Variants in RPRD2 observed in about 807,000 individuals in gnomAD.
RPRD2 encodes the protein regulation of nuclear pre-mRNA domain containing 2, also known as regulation of nuclear pre-mRNA domain-containing protein 2.
A neutral mutation model predicts 104.4 loss-of-function variants in RPRD2; 12 were observed. That is an observed-to-expected ratio of 0.11 (90% CI 0.07 to 0.19). The LOEUF is 0.19. RPRD2 is among the 10% of genes least tolerant of loss of function. RPRD2 has a pLI of 1.00. For synonymous variants in RPRD2, 714 were observed against 684.9 expected (o/e 1.04, Z -0.66); for missense variants, 1,543 against 1,790.1 (o/e 0.86, Z 2.49).
chr1:150,416,429 A>G (rs1452076702), intron 1 of RPRD2, among the ~76,000 whole-genome samples: 1 of 152,182 alleles, frequency 6.6e-6, no homozygotes, highest in Non-Finnish European at 1.5e-5. Context: ...AGGTCACCGA[A>G]TGTGAGGTCA....
intron 1 of RPRD2, among the ~76,000 whole-genome samples, chr1:150,405,839 C>T (rs1291886649): frequency 6.6e-6 from 1 of 152,144 alleles, no homozygotes; most frequent in African/African-American, 2.4e-5. Context: ...ATGCTGTTGA[C>T]GCTTCCCACC....
chr1:150,404,259 T>G (rs927382127), intron 1 of RPRD2, among the ~76,000 whole-genome samples: 2 of 152,134 alleles, frequency 1.3e-5, no homozygotes, highest in African/African-American at 2.4e-5. Context: ...TTTGTTTTTG[T>G]TTTTTGAGAT....
intron 1 of RPRD2, among the ~76,000 whole-genome samples, chr1:150,380,869 A>G (rs1205692579): frequency 6.6e-6 from 1 of 151,532 alleles, no homozygotes; most frequent in Non-Finnish European, 1.5e-5. Context: ...GTTGGCCAGG[A>G]TGGTCTCTAT....
In RPRD2 at chr1:150,472,387, G is replaced by C. The variant is rs1489260652; in HGVS notation, c.3439G>C (p.Glu1147Gln). Residue 1147 changes from glutamate (E) to glutamine (Q), a missense_variant, in exon 11 of 11, where the codon GAG (glutamate) becomes CAG (glutamine). Glu to Gln is a conservative substitution (Grantham distance 29). Coordinates refer to ENST00000369068, the MANE Select transcript of RPRD2 (RefSeq NM_015203.5). ...TGACAATGGCCCTTCAAGTGCCTCT[G>C]AGTTGGCATCCCTTGGGGGTGGGGG... The part of the protein sequence containing the change: ...SFDNGPSSAS[E>Q]LASLGGGGSG... The C allele has an allele frequency of 3.7e-6, 6 of 1,613,884 alleles. No individual in the cohort carries two copies. Among genetic ancestry groups the C allele is most frequent in the Non-Finnish European group, 5.1e-6 (6 of 1,179,894 alleles).
At chr1:150,391,085 A>G (rs1662028457) in intron 1 of RPRD2, among the ~76,000 whole-genome samples, 1 of 152,204 alleles carries the variant, frequency 6.6e-6, no homozygotes, top group African/African-American at 2.4e-5. Flanking sequence ...TGAAATGCAA[A>G]TTGATAATTA....
chr1:150,429,921 G>A (rs1560194978), intron 2 of RPRD2, among the ~76,000 whole-genome samples: 1 of 152,164 alleles, frequency 6.6e-6, no homozygotes, highest in Non-Finnish European at 1.5e-5. Flanking sequence ...CCAGCATGCC[G>A]ATAACATTAA....
chr1:150,442,071 A>T, intron 4 of RPRD2, 113 bp downstream of exon 4: 1 of 676,150 alleles, frequency 1.5e-6, no homozygotes, highest in Non-Finnish European at 2.4e-6. Flanking sequence ...CCTGTTTTCC[A>T]GGTCTGGGAG....
At chr1:150,439,769 T>C (rs797034984) in intron 2 of RPRD2, among the ~76,000 whole-genome samples, 1 of 152,248 alleles carries the variant, frequency 6.6e-6, no homozygotes, top group African/African-American at 2.4e-5. Flanking sequence ...AGAATAAAAT[T>C]TCTTTTCTCT....
chr1:150,434,906 T>C (rs587719342), intron 2 of RPRD2, among the ~76,000 whole-genome samples: 3 of 152,296 alleles, frequency 2.0e-5, no homozygotes, highest in Non-Finnish European at 1.5e-5. Flanking sequence ...AATAACAGAA[T>C]AGAATTTTTT....
chr1:150,405,653 T>C (rs1230763467), intron 1 of RPRD2, among the ~76,000 whole-genome samples: 1 of 152,194 alleles, frequency 6.6e-6, no homozygotes, highest in Non-Finnish European at 1.5e-5. Context: ...TGGCCTCAAA[T>C]GTCTTTCTGA....
intron 2 of RPRD2, among the ~76,000 whole-genome samples, chr1:150,417,990 CAG>C (rs1174802280): frequency 6.7e-6 from 1 of 149,816 alleles, no homozygotes; most frequent in African/African-American, 2.5e-5. Flanking sequence ...TTCTTTGAGA[CAG>C]AGTCTCGCTC....
At chr1:150,404,011 A>G (rs927257433) in intron 1 of RPRD2, among the ~76,000 whole-genome samples, 2 of 152,132 alleles carry the variant, frequency 1.3e-5, no homozygotes, top group Non-Finnish European at 2.9e-5. Flanking sequence ...TAAATGTTCA[A>G]CTTTACGTTA....
intron 10 of RPRD2, among the ~76,000 whole-genome samples, chr1:150,465,410 G>A (rs905469930): frequency 2.0e-5 from 3 of 152,188 alleles, no homozygotes; most frequent in East Asian, 1.9e-4. Context: ...GAGCCACTGC[G>A]CCCCTCCTAT....
intron 2 of RPRD2, among the ~76,000 whole-genome samples, chr1:150,428,454 CAAAAA>C (rs34596290): frequency 1.3e-4 from 9 of 71,260 alleles, no homozygotes; most frequent in Admixed American, 1.7e-4. Flanking sequence ...GACTCTGTCT[CAAAAA>C]AAAAAAAAAA....
intron 1 of RPRD2, among the ~76,000 whole-genome samples, chr1:150,378,853 C>T (rs150450322): frequency 0.02 from 3,086 of 151,422 alleles, 132 homozygotes; most frequent in African/African-American, 0.071. Context: ...CATGGTGGTG[C>T]GCGCCTGTAA....
At chr1:150,380,292 G>A (rs1179975689) in intron 1 of RPRD2, among the ~76,000 whole-genome samples, 2 of 152,156 alleles carry the variant, frequency 1.3e-5, no homozygotes, top group East Asian at 3.8e-4. Context: ...TTGTCTTTCA[G>A]ATCTCAGCTC....
At chr1:150,390,906 C>T (rs1286697916) in intron 1 of RPRD2, among the ~76,000 whole-genome samples, 5 of 151,948 alleles carry the variant, frequency 3.3e-5, no homozygotes, top group Non-Finnish European at 5.9e-5. Flanking sequence ...GGACCATATG[C>T]ATATGAAGGA....
At chr1:150,368,032 T>C (rs1553877477) in intron 1 of RPRD2, among the ~76,000 whole-genome samples, 1 of 152,130 alleles carries the variant, frequency 6.6e-6, no homozygotes, top group Non-Finnish European at 1.5e-5. Flanking sequence ...CCTGCAGTGA[T>C]ATCCCATTGC....
chr1:150,408,239 A>C (rs939521978), intron 1 of RPRD2, among the ~76,000 whole-genome samples: 4 of 126,212 alleles, frequency 3.2e-5, no homozygotes, highest in African/African-American at 1.3e-4. Flanking sequence ...ATCTTGGTTC[A>C]CTGCAACCCC....
Sources: allele counts gnomAD v4.1 joint callset (sites outside exome capture counted in the v4.1 genomes callset), GRCh38; gene constraint gnomAD v4.1.1; transcripts MANE v1.5; gene names NCBI Gene and HGNC (gene_info 2026-07-23, HGNC 2026-07-21).